NEIL3: variants seen among roughly 807,000 people sequenced by gnomAD.
The protein encoded by NEIL3 is endonuclease 8-like 3.
A neutral mutation model predicts 57.5 loss-of-function variants in NEIL3; 48 were observed. That is an observed-to-expected ratio of 0.83 (90% confidence interval 0.66 to 1.06). The LOEUF is 1.06. Among genes scored for constraint, NEIL3 ranks in the 50% least tolerant of loss-of-function variants. NEIL3 has a pLI of 0.00. For missense variants in NEIL3, 717 were observed against 739.1 expected, an observed-to-expected ratio of 0.97 and a Z score of 0.35; for synonymous variants, 261 against 253.2, an observed-to-expected ratio of 1.03 and a Z score of -0.29.
At position 177,309,960 on chromosome 4, in the gene NEIL3, G is replaced by A. The variant is rs1266388205; in HGVS notation, c.7G>A (p.Glu3Lys). ...CACAGTGCCGGCCACAGAGATGGTG[G>A]AAGGACCAGGCTGTACTCTGAATGG... The part of the protein sequence containing the change: MV[E>K]GPGCTLNGEK... The change falls in exon 1 of 10, where the codon GAA becomes AAA. Residue 3 changes from glutamate (E) to lysine (K), a missense_variant. Coordinates refer to ENST00000264596, the MANE Select transcript of NEIL3 (RefSeq NM_018248.3). 6.2e-7 allele frequency: 1 copy of A among 1,608,150 alleles called. No homozygotes were observed. Among genetic ancestry groups the A allele is most frequent in the East Asian group, 2.3e-5 (1 of 44,392 alleles).
intron 2 of NEIL3, among the ~76,000 whole-genome samples, chr4:177,335,377 C>T (rs1183939805): frequency 6.6e-6 from 1 of 152,082 alleles, no homozygotes; most frequent in Admixed American, 6.6e-5. Context: ...ATAAAAGATA[C>T]TTCATCTGAC....
intron 7 of NEIL3, among the ~76,000 whole-genome samples, chr4:177,352,727 G>C (rs1173699352): frequency 1.3e-5 from 2 of 151,964 alleles, no homozygotes; most frequent in East Asian, 3.9e-4. Flanking sequence ...CTACTCGGGA[G>C]TTTGAGGCAG....
At chr4:177,323,339 T>C (rs1055592801) in intron 2 of NEIL3, among the ~76,000 whole-genome samples, 2 of 152,192 alleles carry the variant, frequency 1.3e-5, no homozygotes, top group Non-Finnish European at 2.9e-5. Flanking sequence ...TGTTTAAAGA[T>C]ACTGACCACA....
At chr4:177,331,166 T>C (rs1316147570) in intron 2 of NEIL3, among the ~76,000 whole-genome samples, 2 of 152,224 alleles carry the variant, frequency 1.3e-5, no homozygotes, top group Non-Finnish European at 2.9e-5. Flanking sequence ...GTTGAGTTGA[T>C]AGTTTAAAAC....
intron 8 of NEIL3, among the ~76,000 whole-genome samples, chr4:177,358,367 G>A (rs953352921): frequency 1.3e-5 from 2 of 152,088 alleles, no homozygotes; most frequent in African/African-American, 4.8e-5. Flanking sequence ...GAGTGCAATG[G>A]CGCGATCTCA....
intron 6 of NEIL3, among the ~76,000 whole-genome samples, chr4:177,347,918 C>T (rs915293297): frequency 6.6e-6 from 1 of 152,120 alleles, no homozygotes; most frequent in African/African-American, 2.4e-5. Context: ...AATTGTGTTC[C>T]TTTATGTTTT....
chr4:177,366,738 G>A (rs1735698126), downstream of NEIL3, among the ~76,000 whole-genome samples: 1 of 152,140 alleles, frequency 6.6e-6, no homozygotes, highest in East Asian at 1.9e-4. Flanking sequence ...CTATTCTTCT[G>A]AGACTCCAGT....
At chr4:177,343,907 G>A (rs961162449) in intron 6 of NEIL3, among the ~76,000 whole-genome samples, 1 of 151,952 alleles carries the variant, frequency 6.6e-6, no homozygotes, top group African/African-American at 2.4e-5. Context: ...GTTGAACACA[G>A]TAGCTGGCAG....
chr4:177,362,280 T>A lies in NEIL3; in HGVS notation c.1636-9T>A, dbSNP rs963412564. Reference sequence around the variant, plus strand: ...TATAAACTTGTAAATTTACCTTTTTTTCCTGCAGTGGGCAGATTTGTCCTT... The same window carrying A: ...TATAAACTTGTAAATTTACCTTTTTATCCTGCAGTGGGCAGATTTGTCCTT... On this transcript the variant is annotated splice_polypyrimidine_tract_variant and intron_variant, in intron 9 of 9. Transcript: ENST00000264596. The A allele has an allele frequency of 1.3e-6, 2 of 1,589,546 alleles. No individual in the cohort carries two copies. Among genetic ancestry groups the A allele is most frequent in the Non-Finnish European group, 1.7e-6 (2 of 1,169,738 alleles).
chr4:177,337,944 G>A (rs1008441656), intron 4 of NEIL3, among the ~76,000 whole-genome samples: 7 of 152,088 alleles, frequency 4.6e-5, no homozygotes, highest in Non-Finnish European at 8.8e-5. Flanking sequence ...GCTTAAGCCC[G>A]GGAGGCGGAG....
rs1199807873 is a variant in NEIL3 at position 177,353,500 on chromosome 4, T to C, written c.1232T>C (p.Ile411Thr). The C allele has an allele frequency of 6.2e-7, 1 of 1,613,724 alleles. No homozygotes were observed. Among genetic ancestry groups the C allele is most frequent in the East Asian group, 2.2e-5 (1 of 44,868 alleles). Residue 411 changes from isoleucine to threonine, a missense_variant, in exon 8 of 10, where the codon ATA becomes ACA. Physicochemically the swap from Ile to Thr is moderately conservative, Grantham distance 89. Coordinates refer to ENST00000264596, the MANE Select transcript of NEIL3 (RefSeq NM_018248.3). ...TLERKTKQNQ[I>T]LDEEFQNSPP... is the part of the protein sequence containing the mutation. Reference sequence around the variant, plus strand: ...GAAAGAAAAACAAAGCAAAACCAGATACTAGATGAGGAGTTTCAAAACTCT... The same window carrying C: ...GAAAGAAAAACAAAGCAAAACCAGACACTAGATGAGGAGTTTCAAAACTCT...
chr4:177,323,795 G>T (rs766728437), intron 2 of NEIL3, among the ~76,000 whole-genome samples: 2 of 152,064 alleles, frequency 1.3e-5, no homozygotes, highest in African/African-American at 2.4e-5. Flanking sequence ...GATGAGAGGG[G>T]GTTTTTATCA....
chr4:177,317,957 CA>C (rs1244004699), intron 1 of NEIL3, among the ~76,000 whole-genome samples: 1 of 152,096 alleles, frequency 6.6e-6, no homozygotes, highest in African/African-American at 2.4e-5. Flanking sequence ...ATGTCTGCTC[CA>C]GGATAACCTT....
At chr4:177,352,088 T>C (rs936213873) in intron 7 of NEIL3, among the ~76,000 whole-genome samples, 4 of 152,256 alleles carry the variant, frequency 2.6e-5, no homozygotes, top group African/African-American at 4.8e-5. Flanking sequence ...ATTTAGGGCA[T>C]GTAAAACCTC....
chr4:177,355,881 T>C (rs1735463326), intron 8 of NEIL3, among the ~76,000 whole-genome samples: 1 of 152,244 alleles, frequency 6.6e-6, no homozygotes, highest in Admixed American at 6.5e-5. Context: ...TTTAATGTCT[T>C]GTTCATAATC....
In NEIL3 at chr4:177,357,407, A is replaced by G. The variant is rs574394285; in HGVS notation, c.1461-3096A>G. On this transcript the variant is annotated intron_variant, in intron 8 of 9. Coordinates refer to ENST00000264596, the MANE Select transcript of NEIL3 (RefSeq NM_018248.3). ...CATCAGCTGTCACCAGGGTTACTGT[A>G]TTTTATGTGTGGCCCAAGACAATTC... 7.3e-5 allele frequency among the ~76,000 whole-genome samples: 11 copies of G among 151,054 alleles called. No individual in the cohort carries two copies. The East Asian group carries it at 1.4e-3, about 19-fold the overall frequency.
At chr4:177,345,518 G>A (rs374709459) in intron 6 of NEIL3, among the ~76,000 whole-genome samples, 1 of 151,144 alleles carries the variant, frequency 6.6e-6, no homozygotes, top group African/African-American at 2.4e-5. Flanking sequence ...TGTGCACAAT[G>A]TGCAGGTTTG....
the NEIL3 span, among the ~76,000 whole-genome samples, chr4:177,368,816 A>G: frequency 2.0e-5 from 3 of 152,194 alleles, no homozygotes; most frequent in Admixed American, 1.3e-4. Context: ...GGTATTTTCT[A>G]GAACTTTGCT....
downstream of NEIL3, among the ~76,000 whole-genome samples, chr4:177,367,015 GT>G (rs948113322): frequency 1.3e-5 from 2 of 152,010 alleles, no homozygotes; most frequent in Non-Finnish European, 1.5e-5. Flanking sequence ...AATTTCTGGG[GT>G]TTTTTTGCTA....
Sources: allele counts gnomAD v4.1 joint callset (sites outside exome capture counted in the v4.1 genomes callset), GRCh38; gene constraint gnomAD v4.1.1; transcripts MANE v1.5; gene names NCBI Gene and HGNC (gene_info 2026-07-23, HGNC 2026-07-21).